The following RAET1E variants were observed in gnomAD, a reference collection of about 807,000 sequenced individuals.
RAET1E encodes the protein retinoic acid early transcript 1E.
Under a neutral mutation model 21.1 loss-of-function variants are expected in RAET1E, and 27 were observed. The ratio of observed to expected loss-of-function variants is 1.28; its 90% CI spans 0.94 to 1.76. The LOEUF is 1.76. RAET1E is among the 40% of genes most tolerant of loss of function. RAET1E has a pLI of 0.00. For missense variants in RAET1E, 310 were observed against 311.3 expected (o/e 1.00, Z 0.03); for synonymous variants, 113 against 115.0 (o/e 0.98, Z 0.11).
chr6:149,891,163 C>T, intron 2 of RAET1E, 129 bp from the exon 3 acceptor site: 1 of 345,606 alleles, frequency 2.9e-6, no homozygotes, highest in South Asian at 3.4e-5. Flanking sequence ...ACTCTCTCTC[C>T]TCTCCTGTCC....
At chr6:149,894,581 T>G (rs1180370522) in intron 2 of RAET1E, among the ~76,000 whole-genome samples, 1 of 152,204 alleles carries the variant, frequency 6.6e-6, no homozygotes, top group Non-Finnish European at 1.5e-5. Context: ...TATTGATACT[T>G]GAGTATTCTT....
Position 149,888,669 on chromosome 6 carries a change from TAAAA to T in RAET1E, c.623-6_623-3del, listed in dbSNP as rs3036672. The stretch of plus-strand genomic sequence containing the variant: ...TATCTGAAGCATTTACTGGTGACAC[TAAAA>T]AAAAAAAAAAAAAGAAAAAAAAGCA... On this transcript the variant is annotated splice_polypyrimidine_tract_variant and splice_region_variant and intron_variant, in intron 5 of 5. Coordinates refer to ENST00000357183, the MANE Select transcript of RAET1E (RefSeq NM_001394057.1). 5.0e-4 allele frequency: 667 copies of T among 1,335,174 alleles called. No individual in the cohort carries two copies. Among genetic ancestry groups the T allele is most frequent in the Admixed American group, 1.4e-3 (37 of 26,640 alleles). The allele number at this position is 1,335,174 out of a possible 1,614,324, so 82.7% of individuals were successfully genotyped here.
chr6:149,892,494 C>T (rs1261526509), intron 2 of RAET1E, among the ~76,000 whole-genome samples: 1 of 152,226 alleles, frequency 6.6e-6, no homozygotes, highest in East Asian at 1.9e-4. Context: ...CTGTTGGCTG[C>T]ATAAATATCT....
Position 149,884,365 on chromosome 6 carries a change from G to T in RAET1E, c.*4133C>A. 1.1e-6 allele frequency: 1 copy of T among 917,192 alleles called. No homozygotes were observed. Among genetic ancestry groups the T allele is most frequent in the Non-Finnish European group, 1.7e-6 (1 of 590,668 alleles). 56.8% of individuals were successfully genotyped at this position (917,192 alleles called of 1,614,324 possible). On this transcript the variant is annotated 3_prime_UTR_variant, in exon 6 of 6. Transcript: ENST00000357183. Reference sequence around the variant, plus strand: ...GTTGCCAAGACTGGAATGCAGAGGCGCGATCTCCGCTCATTGCAGGCTCCG... The same window carrying T: ...GTTGCCAAGACTGGAATGCAGAGGCTCGATCTCCGCTCATTGCAGGCTCCG...
rs1777592599 is a variant in RAET1E at position 149,886,002 on chromosome 6, A to G, written c.*2496T>C. 6.6e-6 allele frequency among the ~76,000 whole-genome samples: 1 copy of G among 152,208 alleles called. No individual in the cohort carries two copies. The highest frequency in any genetic ancestry group is 2.4e-5 in the African/African-American group (1 of 41,454). Reference sequence around the variant, plus strand: ...GAATGGTGACTTCTTAGAGGAGGTGACAGTTAAACTGGACTTGGATAGCTG... The same window carrying G: ...GAATGGTGACTTCTTAGAGGAGGTGGCAGTTAAACTGGACTTGGATAGCTG... On this transcript the variant is annotated 3_prime_UTR_variant, in exon 6 of 6. Transcript: ENST00000357183.
At chr6:149,888,979 G>T in intron 5 of RAET1E, 1 of 845,704 alleles carries the variant, frequency 1.2e-6, no homozygotes, top group Non-Finnish European at 1.7e-6. Flanking sequence ...TTAATTCTGT[G>T]TGGGGAAGGT....
In RAET1E at chr6:149,890,072, C is replaced by A. The variant is rs1428555218; in HGVS notation, c.159G>T (p.Gln53His). The part of the protein sequence containing the change: ...SRPGQPWCEA[Q>H]VFLNKNLFLQ... ...GGAAAAGATTTTTATTCAAGAAGAC[C>A]TGCGCTTCACACCAGGGCTGTCCAG... The change falls in exon 4 of 6, where the codon CAG (glutamine) becomes CAT (histidine). Residue 53 changes from glutamine (Q) to histidine (H), a missense_variant. Gln to His is a conservative substitution (Grantham distance 24). Coordinates refer to ENST00000357183, the MANE Select transcript of RAET1E (RefSeq NM_001394057.1). The A allele has an allele frequency of 6.2e-7, 1 of 1,614,028 alleles. No homozygotes were observed.
Position 149,887,973 on chromosome 6 carries a change from G to A in RAET1E, c.*525C>T, listed in dbSNP as rs970426171. On this transcript the variant is annotated 3_prime_UTR_variant, in exon 6 of 6. Transcript: ENST00000357183. Reference sequence around the variant, plus strand: ...TCCCAGCGCTTTGGGAGGCCGAGGCGGGAGCATCACCTGAGGTCGGGAGTT... The same window carrying A: ...TCCCAGCGCTTTGGGAGGCCGAGGCAGGAGCATCACCTGAGGTCGGGAGTT... 3.9e-5 allele frequency among the ~76,000 whole-genome samples: 6 copies of A among 152,250 alleles called. No individual in the cohort carries two copies. The highest frequency in any genetic ancestry group is 8.8e-5 in the Non-Finnish European group (6 of 68,014).
chr6:149,894,573 T>C (rs976080457), intron 2 of RAET1E, among the ~76,000 whole-genome samples: 2 of 152,170 alleles, frequency 1.3e-5, no homozygotes, highest in Non-Finnish European at 2.9e-5. Flanking sequence ...GATTTGGCTA[T>C]TGATACTTGA....
rs1777662322 is a variant in RAET1E, at chr6:149,887,536, GC to G, written c.*961del. Reference sequence around the variant, plus strand: ...TGGCAAACTCACTTTTCATGTCAGGGCCCCTGCAAAACAGACACATATCTGA... The same window carrying G: ...TGGCAAACTCACTTTTCATGTCAGGGCCCTGCAAAACAGACACATATCTGA... On this transcript the variant is annotated 3_prime_UTR_variant, in exon 6 of 6. Coordinates refer to ENST00000357183, the MANE Select transcript of RAET1E (RefSeq NM_001394057.1). 6.6e-6 allele frequency among the ~76,000 whole-genome samples: 1 copy of G among 152,134 alleles called. No individual in the cohort carries two copies. The highest frequency in any genetic ancestry group is 1.5e-5 in the Non-Finnish European group (1 of 68,016).
In RAET1E at chr6:149,888,290, G is replaced by T; in HGVS notation, c.*208C>A. ...GGATGGCAAGGAGACAACACCCCAG[G>T]CAGGCGTTCCAGATCTTTGACCTTG... On this transcript the variant is annotated 3_prime_UTR_variant, in exon 6 of 6. Coordinates refer to ENST00000357183, the MANE Select transcript of RAET1E (RefSeq NM_001394057.1). 2.8e-6 allele frequency: 2 copies of T among 725,952 alleles called. No homozygotes were observed. The highest frequency in any genetic ancestry group is 4.9e-6 in the Non-Finnish European group (2 of 410,698). The allele number at this position is 725,952 out of a possible 1,614,324, so 45.0% of individuals were successfully genotyped here. A position where few individuals can be genotyped will look rare whatever the true frequency, so the allele number is the denominator to read the frequency against.
chr6:149,896,564 C>T (rs1007247784), intron 1 of RAET1E, among the ~76,000 whole-genome samples: 1 of 152,110 alleles, frequency 6.6e-6, no homozygotes, highest in African/African-American at 2.4e-5. Context: ...CAGAGAGGAA[C>T]TCACTGCTAC....
At chr6:149,890,350 T>G (rs1184169147) in intron 3 of RAET1E, among the ~76,000 whole-genome samples, 1 of 152,146 alleles carries the variant, frequency 6.6e-6, no homozygotes, top group Non-Finnish European at 1.5e-5. Context: ...CAGGGACCCC[T>G]GGGGTGCACT....
chr6:149,888,310 ACC>A lies in RAET1E; in HGVS notation c.*186_*187del. On this transcript the variant is annotated 3_prime_UTR_variant, in exon 6 of 6. Coordinates refer to ENST00000357183, the MANE Select transcript of RAET1E (RefSeq NM_001394057.1). ...CCCAGGCAGGCGTTCCAGATCTTTG[ACC>A]TTGCCCCTCCTCGAGAGGAGATGAT... The A allele has an allele frequency of 1.3e-6, 1 of 761,392 alleles. No individual in the cohort carries two copies. Among genetic ancestry groups the A allele is most frequent in the Non-Finnish European group, 2.2e-6 (1 of 450,084 alleles). 47.2% of individuals were successfully genotyped at this position (761,392 alleles called of 1,614,324 possible). A position where few individuals can be genotyped will look rare whatever the true frequency, so the allele number is the denominator to read the frequency against.
chr6:149,889,397 G>T lies in RAET1E; in HGVS notation c.573C>A (p.His191Gln). The T allele has an allele frequency of 6.2e-7, 1 of 1,614,186 alleles. No individual in the cohort carries two copies. ...AGTGCCCTAAGAATTCCCTGAGCCA[G>T]TGATCGCAGTCTCCCTTTGAGAGCT... is the stretch of plus-strand genomic sequence containing the variant. ...FRKLSKGDCD[H>Q]WLREFLGHWE... is the part of the protein sequence containing the mutation. The change falls in exon 5 of 6, where the codon CAC becomes CAA. Residue 191 changes from histidine to glutamine, a missense_variant. Coordinates refer to ENST00000357183, the MANE Select transcript of RAET1E (RefSeq NM_001394057.1).
At position 149,887,770 on chromosome 6, in the gene RAET1E, G is replaced by A. The variant is rs1204270134; in HGVS notation, c.*728C>T. On this transcript the variant is annotated 3_prime_UTR_variant, in exon 6 of 6. Coordinates refer to ENST00000357183, the MANE Select transcript of RAET1E (RefSeq NM_001394057.1). ...AATTGCTGTACTTGAAAATGTTGAGGTCTGCCTGGGTCAATTTAGAGAAGA... is the reference window on the plus strand; with the variant it reads ...AATTGCTGTACTTGAAAATGTTGAGATCTGCCTGGGTCAATTTAGAGAAGA... 6.6e-6 allele frequency among the ~76,000 whole-genome samples: 1 copy of A among 152,116 alleles called. No individual in the cohort carries two copies. Among genetic ancestry groups the A allele is most frequent in the Non-Finnish European group, 1.5e-5 (1 of 68,012 alleles).
intron 5 of RAET1E, 80 bp from the exon 6 acceptor site, chr6:149,888,747 G>T: frequency 1.7e-5 from 26 of 1,492,864 alleles, no homozygotes; most frequent in Non-Finnish European, 2.1e-5. Flanking sequence ...GCTTTCCTTA[G>T]CCCCTGCTTT....
intron 5 of RAET1E, chr6:149,889,020 G>T: frequency 8.3e-7 from 1 of 1,210,990 alleles, no homozygotes; most frequent in South Asian, 1.9e-5. Context: ...TGGCATTAGA[G>T]CTGGTGGAAG....
At chr6:149,889,718 T>TA (rs1777790998) in intron 4 of RAET1E, 95 bp from the exon 5 acceptor site, 24 of 1,520,156 alleles carry the variant, frequency 1.6e-5, no homozygotes, top group Non-Finnish European at 2.1e-5. Context: ...TAGGGGTCTG[T>TA]ATTCTTTCTG....
Sources: gnomAD v4.1 joint callset for allele counts (sites outside exome capture counted in the v4.1 genomes callset) on GRCh38, gnomAD v4.1.1 for gene constraint, MANE v1.5 for transcripts, NCBI Gene and HGNC (gene_info 2026-07-23, HGNC 2026-07-21) for gene names.